The following LRBA variants were observed in gnomAD, a reference collection of about 807,000 sequenced individuals.
LRBA encodes the protein lipopolysaccharide-responsive and beige-like anchor protein.
In LRBA, 176 loss-of-function variants were observed where a neutral mutation model predicts 330.0. The observed-to-expected ratio is 0.53, with a 90% CI of 0.47 to 0.60. LRBA has a LOEUF of 0.60. Ranked by LOEUF, LRBA falls within the 20% of genes least tolerant of loss-of-function variation. The pLI is 0.00. For missense variants in LRBA, 3,259 were observed against 3,444.8 expected (o/e 0.95, Z 1.35); for synonymous variants, 1,230 against 1,193.0 (o/e 1.03, Z -0.64).
At chr4:150,748,161 A>AATAGTT (rs1733007063) in intron 35 of LRBA, among the ~76,000 whole-genome samples, 1 of 152,206 alleles carries the variant, frequency 6.6e-6, no homozygotes, top group Admixed American at 6.5e-5. Flanking sequence ...CTACTGCTTT[A>AATAGTT]ACTATTAAAT....
At chr4:150,328,619 G>T (rs552459229) in intron 48 of LRBA, among the ~76,000 whole-genome samples, 1 of 152,090 alleles carries the variant, frequency 6.6e-6, no homozygotes, top group African/African-American at 2.4e-5. Context: ...AACTATACTC[G>T]TTAAGCCCTA....
intron 37 of LRBA, among the ~76,000 whole-genome samples, chr4:150,600,105 T>C (rs1773967378): frequency 6.6e-6 from 1 of 152,084 alleles, no homozygotes; most frequent in African/African-American, 2.4e-5. Flanking sequence ...TGGAAAAATA[T>C]TTTATAAGGA....
At chr4:150,728,698 T>C (rs746421698) in intron 36 of LRBA, among the ~76,000 whole-genome samples, 11 of 150,242 alleles carry the variant, frequency 7.3e-5, no homozygotes, top group Non-Finnish European at 1.0e-4. Flanking sequence ...AAATGGAATA[T>C]GCCTTAACAT....
At chr4:150,596,083 A>C (rs1004958483) in intron 38 of LRBA, among the ~76,000 whole-genome samples, 3 of 152,082 alleles carry the variant, frequency 2.0e-5, no homozygotes, top group East Asian at 1.9e-4. Context: ...GAAATCTCCC[A>C]TTACAGCATG....
At chr4:151,013,744 T>G (rs941036639) in intron 2 of LRBA, 1 of 127,198 alleles carries the variant, frequency 7.9e-6, no homozygotes, top group Non-Finnish European at 1.6e-5. Context: ...CTTAGTATAA[T>G]CAGCAACTTC....
At chr4:150,724,168 T>G (rs530461758) in intron 36 of LRBA, among the ~76,000 whole-genome samples, 2 of 152,276 alleles carry the variant, frequency 1.3e-5, no homozygotes, top group African/African-American at 4.8e-5. Context: ...CAAGACCTAG[T>G]GCTGTGCAGG....
At chr4:150,921,973 T>C (rs966466308) in intron 4 of LRBA, among the ~76,000 whole-genome samples, 1 of 152,178 alleles carries the variant, frequency 6.6e-6, no homozygotes, top group African/African-American at 2.4e-5. Context: ...TCCACCTGCC[T>C]GGGCCTCCCA....
chr4:150,975,482 C>T (rs115830035), intron 2 of LRBA, among the ~76,000 whole-genome samples: 214 of 149,796 alleles, frequency 1.4e-3, no homozygotes, highest in Non-Finnish European at 2.6e-3. Flanking sequence ...GCCCAGATCG[C>T]ACCACTGCAC....
At chr4:150,447,674 T>C (rs1221736145) in intron 44 of LRBA, among the ~76,000 whole-genome samples, 1 of 152,198 alleles carries the variant, frequency 6.6e-6, no homozygotes, top group Non-Finnish European at 1.5e-5. Flanking sequence ...ATTGGTTCTG[T>C]TTCTCTGGAG....
chr4:150,611,358 T>C (rs1775240942), intron 37 of LRBA, among the ~76,000 whole-genome samples: 1 of 152,166 alleles, frequency 6.6e-6, no homozygotes, highest in African/African-American at 2.4e-5. Flanking sequence ...GGTGAGTGAT[T>C]CAGTTACTAA....
At chr4:150,974,099 AAAACT>A (rs1739885631) in intron 2 of LRBA, among the ~76,000 whole-genome samples, 1 of 152,204 alleles carries the variant, frequency 6.6e-6, no homozygotes, top group Non-Finnish European at 1.5e-5. Context: ...CATAAAGTGG[AAAACT>A]AAACAAAATA....
intron 5 of LRBA, among the ~76,000 whole-genome samples, chr4:150,919,634 C>CA (rs150882251): frequency 0.058 from 8,803 of 151,300 alleles, 764 homozygotes; most frequent in African/African-American, 0.2. Flanking sequence ...CACAGACTGA[C>CA]AAAAAAAAAT....
chr4:150,606,896 A>C (rs1774698741), intron 37 of LRBA, among the ~76,000 whole-genome samples: 1 of 152,240 alleles, frequency 6.6e-6, no homozygotes, highest in South Asian at 2.1e-4. Context: ...TCACTGACCA[A>C]GCACAGTAAC....
chr4:150,782,492 G>C (rs543404358), intron 34 of LRBA, among the ~76,000 whole-genome samples: 1 of 152,108 alleles, frequency 6.6e-6, no homozygotes, highest in Admixed American at 6.5e-5. Context: ...GCTTCTTCCA[G>C]CTTCTGGTGG....
intron 40 of LRBA, among the ~76,000 whole-genome samples, chr4:150,505,674 GA>G (rs1232110872): frequency 3.7e-4 from 57 of 152,188 alleles, no homozygotes; most frequent in African/African-American, 1.3e-3. Context: ...AAAAGAACTA[GA>G]AAAGCAAGAG....
chr4:150,566,047 G>T (rs911502309), intron 40 of LRBA, among the ~76,000 whole-genome samples: 3 of 138,244 alleles, frequency 2.2e-5, no homozygotes, highest in Non-Finnish European at 4.7e-5. Context: ...GGGCAACACG[G>T]CAAGATCCTG....
At chr4:150,754,818 T>G (rs755351116) in intron 35 of LRBA, among the ~76,000 whole-genome samples, 6 of 152,150 alleles carry the variant, frequency 3.9e-5, no homozygotes, top group Admixed American at 1.3e-4. Context: ...ACATATATAA[T>G]TTTAAAACTG....
chr4:150,510,637 G>A (rs1334788923), intron 40 of LRBA, among the ~76,000 whole-genome samples: 1 of 152,008 alleles, frequency 6.6e-6, no homozygotes, highest in Non-Finnish European at 1.5e-5. Context: ...ACTTCCTTTG[G>A]ATTTCAACAG....
chr4:150,708,603 A>C (rs1010319777), intron 36 of LRBA, among the ~76,000 whole-genome samples: 1 of 151,818 alleles, frequency 6.6e-6, no homozygotes. Flanking sequence ...CCTTATTATG[A>C]TCTCACAAAT....
Sources: gnomAD v4.1 joint callset for allele counts (sites outside exome capture counted in the v4.1 genomes callset) on GRCh38, gnomAD v4.1.1 for gene constraint, MANE v1.5 for transcripts, NCBI Gene and HGNC (gene_info 2026-07-23, HGNC 2026-07-21) for gene names.